The following KCNN2 variants were observed in gnomAD, a reference collection of about 807,000 sequenced individuals.
The protein encoded by KCNN2 is potassium calcium-activated channel subfamily N member 2.
A neutral mutation model predicts 55.5 loss-of-function variants in KCNN2; 24 were observed. The ratio of observed to expected loss-of-function variants is 0.43; its 90% CI spans 0.31 to 0.61. The LOEUF is 0.61. Ranked by LOEUF, KCNN2 falls within the 20% of genes least tolerant of loss-of-function variation. KCNN2 has a pLI of 0.08. For synonymous variants in KCNN2, 431 were observed against 336.1 expected, an observed-to-expected ratio of 1.28 and a Z score of -3.09; for missense variants, 754 against 853.6, an observed-to-expected ratio of 0.88 and a Z score of 1.45.
intron 1 of KCNN2, among the ~76,000 whole-genome samples, chr5:114,174,926 G>A (rs1181245060): frequency 6.6e-6 from 1 of 152,130 alleles, no homozygotes; most frequent in Non-Finnish European, 1.5e-5. Context: ...CCCCCAATGG[G>A]CTGTGTGAGT....
At chr5:114,076,591 A>G (rs188420921) in intron 1 of KCNN2, among the ~76,000 whole-genome samples, 34 of 152,344 alleles carry the variant, frequency 2.2e-4, no homozygotes, top group South Asian at 4.1e-4. Context: ...CACTCCAAAT[A>G]TAGCTCTTAT....
At chr5:114,291,348 C>G (rs193031981) in intron 2 of KCNN2, among the ~76,000 whole-genome samples, 1 of 152,152 alleles carries the variant, frequency 6.6e-6, no homozygotes, top group South Asian at 2.1e-4. Context: ...CCTCTCCTCA[C>G]CCCACAACAG....
At chr5:114,196,052 C>G (rs1317750114) in intron 1 of KCNN2, among the ~76,000 whole-genome samples, 1 of 151,918 alleles carries the variant, frequency 6.6e-6, no homozygotes, top group African/African-American at 2.4e-5. Flanking sequence ...AAAGACTATT[C>G]TTTCCCAATT....
At chr5:114,115,523 A>G (rs1751693028) in intron 1 of KCNN2, among the ~76,000 whole-genome samples, 1 of 152,156 alleles carries the variant, frequency 6.6e-6, no homozygotes, top group South Asian at 2.1e-4. Flanking sequence ...TCATAAAAGA[A>G]GATGACATGA....
chr5:114,387,011 C>T (rs11740973), intron 2 of KCNN2, among the ~76,000 whole-genome samples: 2 of 152,158 alleles, frequency 1.3e-5, no homozygotes, highest in African/African-American at 4.8e-5. Flanking sequence ...GTGTCATTCC[C>T]TACAGCATTT....
At chr5:114,127,763 G>C (rs1310975645) in intron 1 of KCNN2, among the ~76,000 whole-genome samples, 1 of 152,074 alleles carries the variant, frequency 6.6e-6, no homozygotes, top group Non-Finnish European at 1.5e-5. Context: ...AAACTTTTAT[G>C]CTCTGCTTTC....
chr5:114,417,076 A>T (rs1238240718), intron 3 of KCNN2, among the ~76,000 whole-genome samples: 3 of 152,236 alleles, frequency 2.0e-5, no homozygotes, highest in Non-Finnish European at 4.4e-5. Context: ...TTGGAATAAT[A>T]CCTTTTATGC....
intron 2 of KCNN2, among the ~76,000 whole-genome samples, chr5:114,347,554 A>T (rs951525819): frequency 1.3e-5 from 2 of 152,138 alleles, no homozygotes; most frequent in Admixed American, 1.3e-4. Flanking sequence ...CCTAGACAAA[A>T]CTTTCTGATC....
At chr5:114,402,767 G>A (rs569979175) in intron 2 of KCNN2, among the ~76,000 whole-genome samples, 76 of 152,338 alleles carry the variant, frequency 5.0e-4, no homozygotes, top group African/African-American at 1.7e-3. Flanking sequence ...AGGCACAGGT[G>A]GGTGGTGGCC....
At chr5:114,305,460 A>G (rs908356567) in intron 2 of KCNN2, among the ~76,000 whole-genome samples, 2 of 152,194 alleles carry the variant, frequency 1.3e-5, no homozygotes, top group Non-Finnish European at 2.9e-5. Flanking sequence ...ACCAAGAGAA[A>G]TAAACCTCCA....
intron 1 of KCNN2, among the ~76,000 whole-genome samples, chr5:114,209,014 T>C (rs1306300721): frequency 6.6e-6 from 1 of 151,960 alleles, no homozygotes; most frequent in Non-Finnish European, 1.5e-5. Flanking sequence ...TCACTCCTTA[T>C]CTTTCTTAGC....
intron 1 of KCNN2, among the ~76,000 whole-genome samples, chr5:114,085,455 A>G (rs1750994626): frequency 6.6e-6 from 1 of 151,902 alleles, no homozygotes; most frequent in Non-Finnish European, 1.5e-5. Context: ...TGTTATTGCA[A>G]ATGATATTGT....
chr5:114,211,776 A>G (rs1753889996), intron 1 of KCNN2, among the ~76,000 whole-genome samples: 1 of 152,066 alleles, frequency 6.6e-6, no homozygotes, highest in Non-Finnish European at 1.5e-5. Flanking sequence ...TTCTATATAG[A>G]CAGAAAAAGG....
intron 6 of KCNN2, among the ~76,000 whole-genome samples, chr5:114,491,423 C>G (rs575952715): frequency 5.1e-4 from 76 of 150,374 alleles, no homozygotes; most frequent in African/African-American, 1.7e-3. Flanking sequence ...TAAAGGTAAT[C>G]GTCAATTGAT....
At chr5:114,385,691 C>G (rs56088944) in intron 2 of KCNN2, among the ~76,000 whole-genome samples, 4,543 of 152,210 alleles carry the variant, frequency 0.03, 206 homozygotes, top group African/African-American at 0.1. Context: ...TCTCCCTCTT[C>G]TGGCAAGCTT....
chr5:114,362,997 C>T lies in KCNN2; in HGVS notation c.858C>T (p.Asn286=). 6.3e-7 allele frequency: 1 copy of T among 1,594,702 alleles called. No individual in the cohort carries two copies. The highest frequency in any genetic ancestry group is 1.1e-5 in the South Asian group (1 of 90,030). ...TCGTGGTGTCTAAGCCCGAGCACAA[C>T]AACTCCAACAACCTGGCGCTCTATG... ...PEIVVSKPEH[N]NSNNLALYGT... is the part of the protein sequence containing the mutation. The change falls in exon 1 of 8, where the codon AAC becomes AAT. Residue 286 remains asparagine (N), a synonymous_variant. Coordinates refer to ENST00000673685, the MANE Select transcript of KCNN2 (RefSeq NM_021614.4).
At chr5:114,121,194 A>G (rs1157474214) in intron 1 of KCNN2, among the ~76,000 whole-genome samples, 1 of 152,200 alleles carries the variant, frequency 6.6e-6, no homozygotes, top group Non-Finnish European at 1.5e-5. Context: ...TATCCTGAGG[A>G]CCTGTGGAAT....
intron 1 of KCNN2, among the ~76,000 whole-genome samples, chr5:114,160,690 G>A (rs1486324167): frequency 1.3e-5 from 2 of 152,252 alleles, no homozygotes; most frequent in Non-Finnish European, 2.9e-5. Context: ...GGGTGCTCCT[G>A]TATTGGGTGC....
At chr5:114,123,037 G>T (rs1751855973) in intron 1 of KCNN2, among the ~76,000 whole-genome samples, 1 of 152,202 alleles carries the variant, frequency 6.6e-6, no homozygotes, top group African/African-American at 2.4e-5. Context: ...ATGTGTGACA[G>T]ATGACAGTGT....
Sources: gnomAD v4.1 joint callset for allele counts (sites outside exome capture counted in the v4.1 genomes callset) on GRCh38, gnomAD v4.1.1 for gene constraint, MANE v1.5 for transcripts, NCBI Gene and HGNC (gene_info 2026-07-23, HGNC 2026-07-21) for gene names.